ST7: variants seen among roughly 807,000 people sequenced by gnomAD.
The protein encoded by ST7 is suppressor of tumorigenicity 7 protein.
ST7 carries 28 observed loss-of-function variants against 78.7 expected under a neutral mutation model. The observed-to-expected ratio is 0.36, with a 90% confidence interval of 0.26 to 0.49. The LOEUF (loss-of-function observed/expected upper bound fraction) is 0.49. Among genes scored for constraint, ST7 ranks in the 20% least tolerant of loss-of-function variants. The probability of loss-of-function intolerance (pLI) is 0.99; values close to 1 mark genes in which losing one functional copy is unlikely to be tolerated. For missense variants in ST7, 418 were observed against 696.0 expected, an observed-to-expected ratio of 0.60 and a Z score of 4.49; for synonymous variants, 247 against 249.6, an observed-to-expected ratio of 0.99 and a Z score of 0.10.
At chr7:117,209,096 A>G (rs2116023259) in intron 12 of ST7, among the ~76,000 whole-genome samples, 1 of 152,310 alleles carries the variant, frequency 6.6e-6, no homozygotes, top group South Asian at 2.1e-4. Flanking sequence ...GCCCCCGGGA[A>G]GTATATCCAT....
intron 12 of ST7, among the ~76,000 whole-genome samples, chr7:117,208,796 G>A (rs919313371): frequency 6.6e-6 from 1 of 151,982 alleles, no homozygotes; most frequent in Non-Finnish European, 1.5e-5. Context: ...GCTTGATCTT[G>A]CTGTCCATAT....
chr7:117,164,733 A>T (rs1040791549), intron 9 of ST7, among the ~76,000 whole-genome samples: 6 of 152,200 alleles, frequency 3.9e-5, no homozygotes, highest in African/African-American at 2.4e-5. Flanking sequence ...TTGGCAACAT[A>T]GAAACTAGGG....
intron 1 of ST7, among the ~76,000 whole-genome samples, chr7:117,008,226 C>T (rs529452670): frequency 3.0e-4 from 45 of 152,090 alleles, no homozygotes; most frequent in Non-Finnish European, 4.9e-4. Flanking sequence ...AGAAAAAAAC[C>T]TCAGAAATAA....
In ST7 at chr7:117,129,824, A is replaced by T; in HGVS notation, c.426A>T (p.Leu142Phe). The T allele has an allele frequency of 6.2e-7, 1 of 1,610,800 alleles. No homozygotes were observed. Among genetic ancestry groups the T allele is most frequent in the Non-Finnish European group, 8.5e-7 (1 of 1,178,112 alleles). Reference protein sequence around the residue: ...ECKVWRNPLNLFRGAEYNRYT... With the variant: ...ECKVWRNPLNFFRGAEYNRYT... ...AAGTATGGCGAAATCCACTAAATTT[A>T]TTTAGGGGTGCTGAATACAATCGGT... The change falls in exon 4 of 16, where the codon TTA becomes TTT. Residue 142 changes from leucine (L) to phenylalanine (F), a missense_variant. Leu to Phe is a conservative substitution (Grantham distance 22, BLOSUM62 0). This residue lies in a region of ST7 where 288 missense variants were observed against 537.1 expected (regional missense o/e 0.54). Transcript: ENST00000323984.
chr7:116,999,872 G>A (rs1356636991), intron 1 of ST7, among the ~76,000 whole-genome samples: 2 of 145,768 alleles, frequency 1.4e-5, no homozygotes, highest in Admixed American at 6.9e-5. Context: ...GTGCAGTGGC[G>A]CAATCTCAGC....
At position 117,014,973 on chromosome 7, in the gene ST7, A is replaced by C. The variant is rs556630338; in HGVS notation, c.151+61282A>C. The C allele has an allele frequency of 1.1e-4, 153 of 1,368,052 alleles. 3 individuals carry two copies. In the South Asian group the frequency reaches 2.6e-3, roughly 23 times the overall value. 84.7% of individuals were successfully genotyped at this position (1,368,052 alleles called of 1,614,324 possible). A position where few individuals can be genotyped will look rare whatever the true frequency, so the allele number is the denominator to read the frequency against. On this transcript the variant is annotated intron_variant, in intron 1 of 15. Coordinates refer to ENST00000323984, the MANE Select transcript of ST7 (RefSeq NM_001369598.1). Reference sequence around the variant, plus strand: ...TGGCTGATAGAGTTGTACTTGGAAAATACTCAGTTTCCTGCTTACTGCTTC... The same window carrying C: ...TGGCTGATAGAGTTGTACTTGGAAACTACTCAGTTTCCTGCTTACTGCTTC...
intron 1 of ST7, among the ~76,000 whole-genome samples, chr7:116,996,231 G>A (rs1794646628): frequency 6.6e-6 from 1 of 152,020 alleles, no homozygotes; most frequent in Non-Finnish European, 1.5e-5. Context: ...ACAGGCATGT[G>A]CCACCACACC....
chr7:116,954,207 C>T (rs1251985078), intron 1 of ST7: 2 of 151,686 alleles, frequency 1.3e-5, no homozygotes, highest in African/African-American at 4.8e-5. Context: ...GCGGCGAAGC[C>T]CCCTGACCCG....
At chr7:117,046,604 C>T (rs1018028435) in intron 1 of ST7, among the ~76,000 whole-genome samples, 1 of 152,096 alleles carries the variant, frequency 6.6e-6, no homozygotes, top group Non-Finnish European at 1.5e-5. Flanking sequence ...GGGCTTTCTT[C>T]TATTCTTCTT....
intron 1 of ST7, among the ~76,000 whole-genome samples, chr7:116,966,850 T>G (rs532430126): frequency 7.2e-4 from 109 of 152,338 alleles, no homozygotes; most frequent in Non-Finnish European, 1.4e-3. Flanking sequence ...TTTCACCCTT[T>G]TCTTAGAGGC....
At chr7:117,048,042 T>C (rs765666609) in intron 1 of ST7, among the ~76,000 whole-genome samples, 1 of 152,216 alleles carries the variant, frequency 6.6e-6, no homozygotes, top group Non-Finnish European at 1.5e-5. Context: ...AAGTATTATA[T>C]ACTATATTCT....
intron 12 of ST7, among the ~76,000 whole-genome samples, chr7:117,208,612 C>T (rs1791994609): frequency 6.6e-6 from 1 of 152,118 alleles, no homozygotes; most frequent in African/African-American, 2.4e-5. Flanking sequence ...GAGGGATGCC[C>T]AAAGGGTACA....
At chr7:117,085,257 CTTATT>C (rs967231922) in intron 1 of ST7, among the ~76,000 whole-genome samples, 3 of 152,190 alleles carry the variant, frequency 2.0e-5, no homozygotes, top group Non-Finnish European at 2.9e-5. Flanking sequence ...CAGCTAGGTT[CTTATT>C]TTATTTTATT....
chr7:117,065,746 C>T (rs1670283751), intron 1 of ST7, among the ~76,000 whole-genome samples: 1 of 152,194 alleles, frequency 6.6e-6, no homozygotes, highest in Admixed American at 6.5e-5. Flanking sequence ...TCTCAGCAGC[C>T]AGTCATCTTT....
intron 9 of ST7, among the ~76,000 whole-genome samples, chr7:117,156,919 A>G (rs1395920311): frequency 6.6e-6 from 1 of 152,150 alleles, no homozygotes; most frequent in Non-Finnish European, 1.5e-5. Context: ...TTTTAAAGGA[A>G]CATATCTAGA....
At chr7:117,197,945 G>A (rs958231062) in intron 12 of ST7, among the ~76,000 whole-genome samples, 2 of 152,146 alleles carry the variant, frequency 1.3e-5, no homozygotes, top group Non-Finnish European at 2.9e-5. Context: ...TTAGCTGGGT[G>A]TGGTGGCATA....
intron 4 of ST7, among the ~76,000 whole-genome samples, 165 bp downstream of exon 4, chr7:117,130,012 T>C (rs181294276): frequency 7.8e-4 from 119 of 152,038 alleles, no homozygotes; most frequent in Admixed American, 5.5e-3. Context: ...TTTATAAATA[T>C]TTTAGCACTA....
chr7:117,062,136 G>A (rs1459518565), intron 1 of ST7, among the ~76,000 whole-genome samples: 3 of 152,082 alleles, frequency 2.0e-5, no homozygotes, highest in African/African-American at 7.2e-5. Flanking sequence ...AGGGAGAGAG[G>A]AAGACAGCAA....
intron 15 of ST7, among the ~76,000 whole-genome samples, chr7:117,225,475 G>C (rs1005068882): frequency 6.6e-6 from 1 of 152,144 alleles, no homozygotes; most frequent in Non-Finnish European, 1.5e-5. Context: ...ACTGTGTGGG[G>C]AAGGAAGATG....
Sources: gnomAD v4.1 joint callset for allele counts (sites outside exome capture counted in the v4.1 genomes callset) on GRCh38, gnomAD v4.1.1 for gene constraint, gnomAD v4.1.1 regional missense constraint, MANE v1.5 for transcripts, NCBI Gene and HGNC (gene_info 2026-07-23, HGNC 2026-07-21) for gene names.